GRK5: variants seen among roughly 807,000 people sequenced by gnomAD.
The protein encoded by GRK5 is G protein-coupled receptor kinase 5, also known as g protein-coupled receptor kinase GRK5.
GRK5 carries 40 observed loss-of-function variants against 78.4 expected under a neutral mutation model. The ratio of observed to expected loss-of-function variants is 0.51; its 90% CI spans 0.40 to 0.66. The LOEUF (loss-of-function observed/expected upper bound fraction) is 0.66, where lower values mean the gene tolerates loss of function less well. Among genes scored for constraint, GRK5 ranks in the 30% least tolerant of loss-of-function variants. The pLI is 0.00. For synonymous variants in GRK5, 289 were observed against 296.8 expected (o/e 0.97, Z 0.27); for missense variants, 598 against 759.9 (o/e 0.79, Z 2.50).
intron 1 of GRK5, among the ~76,000 whole-genome samples, chr10:119,311,623 T>C (rs1589736739): frequency 6.6e-6 from 1 of 152,142 alleles, no homozygotes; most frequent in Non-Finnish European, 1.5e-5. Context: ...CCATCTCTAC[T>C]AAAAATACAA....
At chr10:119,287,292 A>G (rs72834192) in intron 1 of GRK5, among the ~76,000 whole-genome samples, 19,128 of 66,818 alleles carry the variant, frequency 0.29, 3,079 homozygotes, top group Middle Eastern at 0.39. Flanking sequence ...GAGAGAAGAA[A>G]GAGGGAAGAA....
At chr10:119,415,081 C>CAAAAA (rs762165768) in intron 4 of GRK5, among the ~76,000 whole-genome samples, 14 of 75,648 alleles carry the variant, frequency 1.9e-4, no homozygotes, top group African/African-American at 3.8e-4. Flanking sequence ...GACTCTGTCT[C>CAAAAA]AAAAAAAAAA....
intron 2 of GRK5, among the ~76,000 whole-genome samples, chr10:119,372,597 G>C (rs993530826): frequency 1.3e-5 from 2 of 152,144 alleles, no homozygotes; most frequent in Non-Finnish European, 2.9e-5. Context: ...AAGTCCAGGG[G>C]TAAATCTCAT....
chr10:119,370,622 G>A (rs1851531438), intron 2 of GRK5, among the ~76,000 whole-genome samples: 1 of 152,218 alleles, frequency 6.6e-6, no homozygotes, highest in South Asian at 2.1e-4. Flanking sequence ...TATCCGTGAT[G>A]CCATCTCGCC....
chr10:119,237,189 A>C (rs1481459908), intron 1 of GRK5, among the ~76,000 whole-genome samples: 1 of 150,012 alleles, frequency 6.7e-6, no homozygotes, highest in Non-Finnish European at 1.5e-5. Flanking sequence ...CAGCCACTTG[A>C]GTAGCTGGGA....
intron 3 of GRK5, among the ~76,000 whole-genome samples, chr10:119,389,657 C>T (rs960983470): frequency 3.3e-5 from 5 of 152,182 alleles, no homozygotes; most frequent in Non-Finnish European, 5.9e-5. Flanking sequence ...CCAAGGCAGG[C>T]CAACGAGTCC....
At chr10:119,215,665 T>C (rs1241956841) in intron 1 of GRK5, among the ~76,000 whole-genome samples, 2 of 151,898 alleles carry the variant, frequency 1.3e-5, no homozygotes, top group Admixed American at 6.6e-5. Flanking sequence ...TACCATATCC[T>C]CCCCCACCCC....
At chr10:119,256,803 G>T (rs1030094451) in intron 1 of GRK5, among the ~76,000 whole-genome samples, 1 of 152,024 alleles carries the variant, frequency 6.6e-6, no homozygotes, top group Non-Finnish European at 1.5e-5. Context: ...TCACAATGTT[G>T]TGCAACCATC....
At chr10:119,223,571 C>G (rs537761608) in intron 1 of GRK5, among the ~76,000 whole-genome samples, 14 of 152,072 alleles carry the variant, frequency 9.2e-5, no homozygotes, top group African/African-American at 3.4e-4. Flanking sequence ...GACCGGGTCC[C>G]CAAATAGGAC....
intron 1 of GRK5, among the ~76,000 whole-genome samples, chr10:119,223,842 C>T (rs1265706741): frequency 6.6e-6 from 1 of 151,884 alleles, no homozygotes; most frequent in East Asian, 1.9e-4. Context: ...TAAAAGTAAA[C>T]CCAAGTCGGC....
chr10:119,300,101 T>A (rs1352127714), intron 1 of GRK5, among the ~76,000 whole-genome samples: 1 of 152,108 alleles, frequency 6.6e-6, no homozygotes, highest in Non-Finnish European at 1.5e-5. Context: ...GGATTTTTCT[T>A]TAAACTTAAA....
At chr10:119,242,241 T>C in intron 1 of GRK5, among the ~76,000 whole-genome samples, 1 of 152,058 alleles carries the variant, frequency 6.6e-6, no homozygotes, top group Non-Finnish European at 1.5e-5. Context: ...GAATAACGAC[T>C]GAGTGACCAG....
chr10:119,348,863 A>AT (rs1392872412), intron 2 of GRK5, among the ~76,000 whole-genome samples: 2 of 152,228 alleles, frequency 1.3e-5, no homozygotes, highest in African/African-American at 4.8e-5. Context: ...AGTTCGCTCC[A>AT]TTAAGAGGTA....
chr10:119,292,206 T>A (rs963900180), intron 1 of GRK5, among the ~76,000 whole-genome samples: 2 of 38,438 alleles, frequency 5.2e-5, no homozygotes, highest in African/African-American at 1.0e-4. Context: ...CCTTCTCCTA[T>A]TCCTCCTCCT....
chr10:119,356,548 T>A (rs114873964), intron 2 of GRK5, among the ~76,000 whole-genome samples: 2,034 of 152,348 alleles, frequency 0.013, 37 homozygotes, highest in African/African-American at 0.042. Context: ...TCTATCTTCT[T>A]GATGCCCAAT....
chr10:119,375,685 G>C (rs1851611597), intron 2 of GRK5, among the ~76,000 whole-genome samples: 1 of 152,216 alleles, frequency 6.6e-6, no homozygotes. Flanking sequence ...TGAGCGCAAG[G>C]CTGGAATTCA....
intron 10 of GRK5, 66 bp downstream of exon 10, chr10:119,439,834 A>C (rs1852996897): frequency 6.7e-7 from 1 of 1,501,468 alleles, no homozygotes; most frequent in South Asian, 1.1e-5. Flanking sequence ...AGGGCCTCCC[A>C]GGGATTCTCA....
Position 119,425,003 on chromosome 10 carries a change from G to C in GRK5, c.451G>C (p.Glu151Gln), listed in dbSNP as rs142641433. The change falls in exon 6 of 16, where the codon GAG (glutamate) becomes CAG (glutamine). Residue 151 changes from glutamate to glutamine, a missense_variant. By Grantham distance (29) the Glu-to-Gln change is conservative (BLOSUM62 2). Transcript: ENST00000392870. ...LFSACAQSVH[E>Q]YLRGEPFHEY... The stretch of plus-strand genomic sequence containing the variant: ...TTCCATCTGCACTAGGTCTGTCCAC[G>C]AGTACCTGAGGGGAGAACCATTCCA... The C allele has an allele frequency of 7.2e-5, 116 of 1,611,360 alleles. No individual in the cohort carries two copies. In the African/African-American group the frequency reaches 1.4e-3, roughly 20 times the overall value.
intron 1 of GRK5, among the ~76,000 whole-genome samples, chr10:119,277,747 A>G (rs1849692588): frequency 6.6e-6 from 1 of 152,132 alleles, no homozygotes; most frequent in African/African-American, 2.4e-5. Context: ...CTGAACCCTA[A>G]GCAGCCACTG....
Sources: allele counts gnomAD v4.1 joint callset (sites outside exome capture counted in the v4.1 genomes callset), GRCh38; gene constraint gnomAD v4.1.1; transcripts MANE v1.5; gene names NCBI Gene and HGNC (gene_info 2026-07-23, HGNC 2026-07-21).